SERPINH1: variants seen among roughly 807,000 people sequenced by gnomAD.
SERPINH1 encodes serpin family H member 1, also known as serpin H1.
SERPINH1 carries 22 observed loss-of-function variants against 32.3 expected under a neutral mutation model. The ratio of observed to expected loss-of-function variants is 0.68; its 90% CI spans 0.49 to 0.97. The LOEUF is 0.97. SERPINH1 is among the 50% of genes least tolerant of loss of function. SERPINH1 has a pLI of 0.00. For synonymous variants in SERPINH1, 251 were observed against 245.9 expected (o/e 1.02, Z -0.19); for missense variants, 543 against 576.4 (o/e 0.94, Z 0.59).
At chr11:75,568,474 T>A (rs746761460) in intron 2 of SERPINH1, 17 of 537,882 alleles carry the variant, frequency 3.2e-5, no homozygotes, top group Admixed American at 8.9e-5. Flanking sequence ...CGGAATTAAT[T>A]CTCTATCATA....
intron 2 of SERPINH1, 69 bp from the exon 3 acceptor site, chr11:75,568,662 G>A: frequency 2.0e-6 from 2 of 992,742 alleles, no homozygotes; most frequent in South Asian, 2.6e-5. Context: ...AGCCGGGGGT[G>A]GCTGTGGGCT....
chr11:75,570,316 C>G (rs1165374485), intron 4 of SERPINH1, among the ~76,000 whole-genome samples: 1 of 152,140 alleles, frequency 6.6e-6, no homozygotes, highest in Non-Finnish European at 1.5e-5. Context: ...AGGCTCCAAA[C>G]CAGGGACAAG....
intron 1 of SERPINH1, 108 bp from the exon 2 acceptor site, chr11:75,566,208 C>T (rs1474802895): frequency 2.0e-6 from 2 of 1,010,334 alleles, no homozygotes; most frequent in Non-Finnish European, 3.0e-6. Context: ...ACTGTGGGCT[C>T]TCTTGCCCCC....
chr11:75,571,492 G>A lies in SERPINH1; in HGVS notation c.955-289G>A, dbSNP rs77612994. Reference sequence around the variant, plus strand: ...TAAGCTCCTGGGTGGTGCCCATGCTGTCTGTCCCTGAACTGCAGCTGGGCA... The same window carrying A: ...TAAGCTCCTGGGTGGTGCCCATGCTATCTGTCCCTGAACTGCAGCTGGGCA... On this transcript the variant is annotated intron_variant, in intron 4 of 4. Transcript: ENST00000358171. 0.01 allele frequency among the ~76,000 whole-genome samples: 1,559 copies of A among 152,326 alleles called. 63 individuals carry two copies. The East Asian group carries it at 0.11, about 11-fold the overall frequency.
chr11:75,572,223 C>T lies in SERPINH1; in HGVS notation c.*140C>T, dbSNP rs1433846540. On this transcript the variant is annotated 3_prime_UTR_variant, in exon 5 of 5. Coordinates refer to ENST00000358171, the MANE Select transcript of SERPINH1 (RefSeq NM_001235.5). The stretch of plus-strand genomic sequence containing the variant: ...GGGTGGAAAAACAGACCGGGGTTCC[C>T]GTGTGCCTGAGCGGACCTTCCCAGC... The T allele has an allele frequency of 1.3e-5, 11 of 827,614 alleles. No individual in the cohort carries two copies. The highest frequency in any genetic ancestry group is 1.0e-4 in the Admixed American group (5 of 49,864). 51.3% of individuals were successfully genotyped at this position (827,614 alleles called of 1,614,324 possible). A position where few individuals can be genotyped will look rare whatever the true frequency, so the allele number is the denominator to read the frequency against.
chr11:75,566,597 T>C lies in SERPINH1; in HGVS notation c.248T>C (p.Leu83Pro). Residue 83 changes from leucine to proline, a missense_variant, in exon 2 of 5, where the codon CTG (leucine) becomes CCG (proline). Physicochemically the swap from Leu to Pro is moderately conservative, Grantham distance 98. Around this residue, in one of 3 missense-constraint regions of SERPINH1, gnomAD observed 7 missense variants for 27.6 expected, o/e 0.25. Coordinates refer to ENST00000358171, the MANE Select transcript of SERPINH1 (RefSeq NM_001235.5). ...GCCTCGTCGCTAGGGCTCGTGTCGC[T>C]GGGCGGCAAGGCGACCACGGCGTCG... ...VVASSLGLVSLGGKATTASQA... is the reference protein window; with the variant it reads ...VVASSLGLVSPGGKATTASQA... 1 of 1,608,308 alleles carries C rather than the reference T, an allele frequency of 6.2e-7. No homozygotes were observed. Among genetic ancestry groups the C allele is most frequent in the East Asian group, 2.2e-5 (1 of 44,812 alleles).
chr11:75,566,129 T>G (rs953797135), intron 1 of SERPINH1, among the ~76,000 whole-genome samples, 187 bp from the exon 2 acceptor site: 1 of 152,166 alleles, frequency 6.6e-6, no homozygotes, highest in African/African-American at 2.4e-5. Context: ...TGGGAATGCT[T>G]CTTTGAGTAG....
intron 1 of SERPINH1, chr11:75,562,844 C>A (rs1942002103): frequency 6.6e-6 from 1 of 152,180 alleles, no homozygotes; most frequent in African/African-American, 2.4e-5. Flanking sequence ...ATTTGAGCTT[C>A]CGGTGGTGGG....
chr11:75,571,960 C>T lies in SERPINH1; in HGVS notation c.1134C>T (p.Ser378=). The T allele has an allele frequency of 1.2e-6, 2 of 1,614,204 alleles. No homozygotes were observed. The highest frequency in any genetic ancestry group is 1.6e-4 in the Middle Eastern group (1 of 6,062). The change falls in exon 5 of 5, where the codon AGC becomes AGT. Residue 378 remains serine (S), a synonymous_variant. Coordinates refer to ENST00000358171, the MANE Select transcript of SERPINH1 (RefSeq NM_001235.5). ...TCTACGGGCGCGAGGAGCTGCGCAG[C>T]CCCAAGCTGTTCTACGCCGACCACC... The part of the protein sequence containing the change: ...QDIYGREELR[S]PKLFYADHPF...
Position 75,566,314 on chromosome 11 carries a change from A to G in SERPINH1, c.-34-2A>G. 2 of 1,594,572 alleles carry G rather than the reference A, an allele frequency of 1.3e-6. No individual in the cohort carries two copies. The highest frequency in any genetic ancestry group is 1.7e-6 in the Non-Finnish European group (2 of 1,171,422). ...ACCACCCTGTCTGTGCAATCCTCAC[A>G]GGCCCACCGTGGTGCACGCAAACCA... On this transcript the variant is annotated splice_acceptor_variant, in intron 1 of 4. Coordinates refer to ENST00000358171, the MANE Select transcript of SERPINH1 (RefSeq NM_001235.5). LOFTEE classifies it low-confidence loss of function (5UTR_SPLICE).
rs915957448 is a variant in SERPINH1 at position 75,568,498 on chromosome 11, C to T, written c.623-233C>T. The T allele has an allele frequency of 3.0e-5, 18 of 594,546 alleles. No homozygotes were observed. The African/African-American group carries it at 3.1e-4, about 10-fold the overall frequency. The allele number at this position is 594,546 out of a possible 1,614,324, so 36.8% of individuals were successfully genotyped here. ...TTCTCTATCATATGGGAGCAGCAGGCACTGACTGTAGGGAACCGCATCCTC... is the reference window on the plus strand; with the variant it reads ...TTCTCTATCATATGGGAGCAGCAGGTACTGACTGTAGGGAACCGCATCCTC... On this transcript the variant is annotated intron_variant, in intron 2 of 4. Transcript: ENST00000358171.
rs1040097164 is a variant in SERPINH1 at position 75,572,290 on chromosome 11, T to C, written c.*207T>C. ...TGGACATGGGCCCCAGATACCATGA[T>C]GCTGAGCCCGGAAACTCCACATCCT... is the stretch of plus-strand genomic sequence containing the variant. On this transcript the variant is annotated 3_prime_UTR_variant, in exon 5 of 5. Transcript: ENST00000358171. 1.6e-6 allele frequency: 1 copy of C among 627,882 alleles called. No individual in the cohort carries two copies. Among genetic ancestry groups the C allele is most frequent in the African/African-American group, 1.8e-5 (1 of 55,204 alleles). The allele number at this position is 627,882 out of a possible 1,614,324, so 38.9% of individuals were successfully genotyped here.
In SERPINH1 at chr11:75,572,137, A is replaced by C; in HGVS notation, c.*54A>C. The stretch of plus-strand genomic sequence containing the variant: ...AGGCATCCAAAGGCTCCTGAGACAC[A>C]TGGGTGCTATTGGGGTTGGGGGGGA... On this transcript the variant is annotated 3_prime_UTR_variant, in exon 5 of 5. Coordinates refer to ENST00000358171, the MANE Select transcript of SERPINH1 (RefSeq NM_001235.5). 2.3e-6 allele frequency: 3 copies of C among 1,310,838 alleles called. No homozygotes were observed. The highest frequency in any genetic ancestry group is 2.1e-6 in the Non-Finnish European group (2 of 952,384). The allele number at this position is 1,310,838 out of a possible 1,614,324, so 81.2% of individuals were successfully genotyped here.
chr11:75,567,356 C>T (rs1198105329), intron 2 of SERPINH1, among the ~76,000 whole-genome samples: 1 of 152,226 alleles, frequency 6.6e-6, no homozygotes, highest in South Asian at 2.1e-4. Context: ...GAGTCTCACT[C>T]TGTCACCCAG....
At chr11:75,566,280 G>A in intron 1 of SERPINH1, 36 bp from the exon 2 acceptor site, 2 of 1,550,354 alleles carry the variant, frequency 1.3e-6, no homozygotes. Context: ...GAAGGCCTTG[G>A]GCTTCAAGAC....
In SERPINH1 at chr11:75,566,354, G is replaced by T; in HGVS notation, c.5G>T (p.Arg2Leu). The T allele has an allele frequency of 6.2e-7, 1 of 1,608,412 alleles. No individual in the cohort carries two copies. The highest frequency in any genetic ancestry group is 8.5e-7 in the Non-Finnish European group (1 of 1,178,228). The change falls in exon 2 of 5, where the codon CGC (arginine) becomes CTC (leucine). Residue 2 changes from arginine to leucine, a missense_variant. By Grantham distance (102) the Arg-to-Leu change is moderately radical. Transcript: ENST00000358171. ...CACGCAAACCACTTCCTGGCCATGCGCTCCCTCCTGCTTCTCAGCGCCTTC... is the reference window on the plus strand; with the variant it reads ...CACGCAAACCACTTCCTGGCCATGCTCTCCCTCCTGCTTCTCAGCGCCTTC... The part of the protein sequence containing the change: M[R>L]SLLLLSAFCL...
intron 1 of SERPINH1, among the ~76,000 whole-genome samples, chr11:75,564,119 C>A (rs891539661): frequency 2.0e-5 from 3 of 152,220 alleles, no homozygotes; most frequent in African/African-American, 4.8e-5. Flanking sequence ...CTCCTGGAGT[C>A]CCCTGGCAAA....
In SERPINH1 at chr11:75,571,920, C is replaced by G; in HGVS notation, c.1094C>G (p.Pro365Arg). 6.2e-7 allele frequency: 1 copy of G among 1,614,230 alleles called. No homozygotes were observed. Among genetic ancestry groups the G allele is most frequent in the African/African-American group, 1.3e-5 (1 of 75,064 alleles). ...TTTGAGTTGGACACAGATGGCAACC[C>G]CTTTGACCAGGACATCTACGGGCGC... ...TAFELDTDGN[P>R]FDQDIYGREE... Residue 365 changes from proline to arginine, a missense_variant, in exon 5 of 5, where the codon CCC becomes CGC. Pro to Arg is a moderately radical substitution (Grantham distance 103). This residue lies in a region of SERPINH1 where 427 missense variants were observed against 446.4 expected (regional missense o/e 0.96). Transcript: ENST00000358171.
In SERPINH1 at chr11:75,569,030, G is replaced by T. The variant is rs1942150252; in HGVS notation, c.813G>T (p.Met271Ile). 1 of 1,614,212 alleles carries T rather than the reference G, an allele frequency of 6.2e-7. No individual in the cohort carries two copies. ...AHKLSSLIIL[M>I]PHHVEPLERL... is the part of the protein sequence containing the mutation. ...AGCTCTCCAGCCTCATCATCCTCAT[G>T]CCCCATCACGTGGAGCCTCTCGAGC... Residue 271 changes from methionine to isoleucine, a missense_variant, in exon 4 of 5, where the codon ATG becomes ATT. Around this residue, in one of 3 missense-constraint regions of SERPINH1, gnomAD observed 427 missense variants for 446.4 expected, o/e 0.96. Transcript: ENST00000358171.
Sources: gnomAD v4.1 joint callset for allele counts (sites outside exome capture counted in the v4.1 genomes callset) on GRCh38, gnomAD v4.1.1 for gene constraint, gnomAD v4.1.1 regional missense constraint, MANE v1.5 for transcripts, NCBI Gene and HGNC (gene_info 2026-07-23, HGNC 2026-07-21) for gene names.